Variants in PRSS23 observed in about 807,000 individuals in gnomAD.
The protein encoded by PRSS23 is protease, serine 23.
PRSS23 carries 25 observed loss-of-function variants against 34.7 expected under a neutral mutation model. The ratio of observed to expected loss-of-function variants is 0.72; its 90% CI spans 0.53 to 1.01. The LOEUF (loss-of-function observed/expected upper bound fraction) is 1.01. Ranked by LOEUF, PRSS23 falls within the 50% of genes least tolerant of loss-of-function variation. The probability of loss-of-function intolerance (pLI) is 0.00; values close to 1 mark genes in which losing one functional copy is unlikely to be tolerated. For missense variants in PRSS23, 445 were observed against 475.6 expected (o/e 0.94, Z 0.60); for synonymous variants, 176 against 186.6 (o/e 0.94, Z 0.46).
At chr11:86,913,977 G>A (rs994862151) in intron 2 of PRSS23, among the ~76,000 whole-genome samples, 3 of 150,732 alleles carry the variant, frequency 2.0e-5, no homozygotes, top group Admixed American at 6.6e-5. Flanking sequence ...GGCTGAGGCG[G>A]GTGGATCACC....
chr11:86,884,322 CAG>C (rs1420922475), intron 2 of PRSS23, among the ~76,000 whole-genome samples: 1 of 152,154 alleles, frequency 6.6e-6, no homozygotes, highest in Non-Finnish European at 1.5e-5. Flanking sequence ...TGTTTTGAGA[CAG>C]AGTCTCACTC....
chr11:86,871,311 A>G (rs890746418), intron 2 of PRSS23, among the ~76,000 whole-genome samples: 1 of 152,164 alleles, frequency 6.6e-6, no homozygotes, highest in African/African-American at 2.4e-5. Flanking sequence ...TTCACTTTAA[A>G]TGGTTGGAAT....
chr11:86,921,784 G>C (rs1949049019), intron 2 of PRSS23: 1 of 152,162 alleles, frequency 6.6e-6, no homozygotes, highest in Admixed American at 6.5e-5. Context: ...ACAGCTTAGT[G>C]GATATTCATG....
chr11:86,807,012 A>AAAAAC (rs1285144331), intron 1 of PRSS23, among the ~76,000 whole-genome samples: 2 of 152,222 alleles, frequency 1.3e-5, no homozygotes, highest in African/African-American at 4.8e-5. Context: ...ATTCAAAGCA[A>AAAAAC]AAAACAAAAC....
chr11:86,869,468 G>A (rs1220137964), intron 2 of PRSS23, among the ~76,000 whole-genome samples: 2 of 152,118 alleles, frequency 1.3e-5, no homozygotes, highest in Non-Finnish European at 2.9e-5. Flanking sequence ...CCGCCTTCAA[G>A]TTGCTCCGAG....
intron 2 of PRSS23, among the ~76,000 whole-genome samples, chr11:86,824,005 C>CA (rs55884309): frequency 0.043 from 1,310 of 30,308 alleles, 157 homozygotes; most frequent in African/African-American, 0.083. Flanking sequence ...GACTCCGTCT[C>CA]AAAAAAAAAA....
chr11:86,941,914 C>G (rs1237379118), intron 2 of PRSS23, among the ~76,000 whole-genome samples: 2 of 152,184 alleles, frequency 1.3e-5, no homozygotes, highest in Non-Finnish European at 2.9e-5. Flanking sequence ...TTAAAACCCT[C>G]CCTTCCTCCC....
rs562405348 is a variant in PRSS23, at chr11:86,935,612, T to G, written c.207-15604T>G. 2.6e-5 allele frequency: 4 copies of G among 152,306 alleles called. No homozygotes were observed. In the South Asian group the frequency reaches 8.3e-4, roughly 32 times the overall value. The allele number at this position is 152,306 out of a possible 1,614,324, so 9.4% of individuals were successfully genotyped here. ...ATTACCAATTACTAAACACATACTG[T>G]TACCCCAAATGTTGTAATTACCCCA... On this transcript the variant is annotated intron_variant, in intron 2 of 2. Coordinates refer to the PRSS23 transcript ENST00000533902.
intron 2 of PRSS23, among the ~76,000 whole-genome samples, chr11:86,906,180 T>C (rs1371959834): frequency 2.6e-5 from 4 of 152,204 alleles, no homozygotes; most frequent in Non-Finnish European, 4.4e-5. Context: ...AGAGGAAAGC[T>C]AATACCTCTA....
At chr11:86,792,177 G>A (rs1214296222) in intron 1 of PRSS23, among the ~76,000 whole-genome samples, 1 of 152,038 alleles carries the variant, frequency 6.6e-6, no homozygotes, top group Non-Finnish European at 1.5e-5. Flanking sequence ...ACTCCCTTGT[G>A]AGCTGACTTT....
chr11:86,866,653 T>C (rs12805717), intron 2 of PRSS23, among the ~76,000 whole-genome samples: 46,664 of 152,052 alleles, frequency 0.31, 7,401 homozygotes, highest in Non-Finnish European at 0.35. Flanking sequence ...CACCAACAAA[T>C]CTAATGTTGA....
At chr11:86,867,072 G>A (rs1477539220) in intron 2 of PRSS23, among the ~76,000 whole-genome samples, 1 of 152,210 alleles carries the variant, frequency 6.6e-6, no homozygotes, top group Non-Finnish European at 1.5e-5. Flanking sequence ...CAGTACATCA[G>A]TGATGTGGCA....
In PRSS23 at chr11:86,853,503, C is replaced by T. The variant is rs180881904; in HGVS notation, c.206+29910C>T. 3.7e-3 allele frequency among the ~76,000 whole-genome samples: 557 copies of T among 152,148 alleles called. 1 individual carries two copies. The highest frequency in any genetic ancestry group is 0.012 in the African/African-American group (512 of 41,506). On this transcript the variant is annotated intron_variant, in intron 2 of 2. Coordinates refer to the PRSS23 transcript ENST00000533902. The stretch of plus-strand genomic sequence containing the variant: ...CTCCTGACCTCAGGTGATCCTCCCA[C>T]GTTGGCCTCCCAAAATGCTAGGATT...
intron 1 of PRSS23, among the ~76,000 whole-genome samples, chr11:86,817,042 A>G (rs893696712): frequency 6.6e-6 from 1 of 152,198 alleles, no homozygotes; most frequent in Non-Finnish European, 1.5e-5. Flanking sequence ...AACTCTGGAC[A>G]TTTATAGTTG....
At chr11:86,880,231 C>T (rs558742234) in intron 2 of PRSS23, among the ~76,000 whole-genome samples, 1 of 151,746 alleles carries the variant, frequency 6.6e-6, no homozygotes, top group East Asian at 2.0e-4. Context: ...CTTTGTTAAA[C>T]AGATGCTTGA....
At chr11:86,919,467 CTT>C (rs1317508901) in intron 2 of PRSS23, among the ~76,000 whole-genome samples, 13 of 152,140 alleles carry the variant, frequency 8.5e-5, no homozygotes, top group African/African-American at 2.7e-4. Context: ...TTCTCTCTCT[CTT>C]GTTTTTTTTC....
At chr11:86,874,801 T>A (rs1183287808) in intron 2 of PRSS23, among the ~76,000 whole-genome samples, 1 of 152,176 alleles carries the variant, frequency 6.6e-6, no homozygotes, top group East Asian at 1.9e-4. Context: ...TGAGGCCTCA[T>A]CTGGGATGCA....
In PRSS23 at chr11:86,868,874, C is replaced by T. The variant is rs184322244; in HGVS notation, c.206+45281C>T. 3.5e-3 allele frequency among the ~76,000 whole-genome samples: 531 copies of T among 152,274 alleles called. 2 individuals carry two copies. The highest frequency in any genetic ancestry group is 5.3e-3 in the Non-Finnish European group (362 of 68,014). On this transcript the variant is annotated intron_variant, in intron 2 of 2. Transcript: ENST00000533902. ...TCACCCAGGCTGAAGTGCAGTAGTG[C>T]GATCACGGCTCACTGCAGCCTCAAC...
At chr11:86,896,213 A>G (rs149188336) in intron 2 of PRSS23, among the ~76,000 whole-genome samples, 1 of 152,304 alleles carries the variant, frequency 6.6e-6, no homozygotes, top group African/African-American at 2.4e-5. Flanking sequence ...ATGTGATAGT[A>G]TTTTAATAAT....
Sources: allele counts gnomAD v4.1 joint callset (sites outside exome capture counted in the v4.1 genomes callset), GRCh38; gene constraint gnomAD v4.1.1; transcripts MANE v1.5; gene names NCBI Gene and HGNC (gene_info 2026-07-23, HGNC 2026-07-21).